Variants in SEC14L2 observed in about 807,000 individuals in gnomAD.
The protein encoded by SEC14L2 is SEC14-like protein 2.
In SEC14L2, 50 loss-of-function variants were observed where a neutral mutation model predicts 56.9. The observed-to-expected ratio is 0.88, with a 90% CI of 0.70 to 1.11. The LOEUF is 1.11. SEC14L2 is among the 50% of genes most tolerant of loss of function. The pLI is 0.00. For missense variants in SEC14L2, 414 were observed against 500.7 expected (o/e 0.83, Z 1.65); for synonymous variants, 179 against 188.5 (o/e 0.95, Z 0.41).
At chr22:30,410,364 G>A (rs767120904) in intron 7 of SEC14L2, among the ~76,000 whole-genome samples, 4 of 152,252 alleles carry the variant, frequency 2.6e-5, no homozygotes, top group Non-Finnish European at 5.9e-5. Flanking sequence ...CACCCAGCCT[G>A]ATGAGATGGG....
chr22:30,412,290 G>T (rs1934270257), intron 8 of SEC14L2, among the ~76,000 whole-genome samples: 1 of 152,054 alleles, frequency 6.6e-6, no homozygotes, highest in Non-Finnish European at 1.5e-5. Context: ...GTGCATAGTG[G>T]CACATACCAG....
In SEC14L2 at chr22:30,422,330, T is replaced by G; in HGVS notation, c.1135T>G (p.Phe379Val). 1 of 1,614,184 alleles carries G rather than the reference T, an allele frequency of 6.2e-7. No individual in the cohort carries two copies. Among genetic ancestry groups the G allele is most frequent in the Non-Finnish European group, 8.5e-7 (1 of 1,180,030 alleles). ...CTTCATTCATGCCAAGAAGGTCAAT[T>G]TCACTGTGGAGGTCCTGCTTCCAGA... is the stretch of plus-strand genomic sequence containing the variant. ...YSFIHAKKVN[F>V]TVEVLLPDKA... The change falls in exon 12 of 12, where the codon TTC (phenylalanine) becomes GTC (valine). Residue 379 changes from phenylalanine to valine, a missense_variant. Coordinates refer to ENST00000615189, the MANE Select transcript of SEC14L2 (RefSeq NM_012429.5).
chr22:30,419,461 T>A (rs1934461777), intron 11 of SEC14L2, among the ~76,000 whole-genome samples: 1 of 152,162 alleles, frequency 6.6e-6, no homozygotes, highest in African/African-American at 2.4e-5. Flanking sequence ...GAGAATTGCT[T>A]GAACCCAGGA....
In SEC14L2 at chr22:30,416,096, C is replaced by T. The variant is rs1393897650; in HGVS notation, c.911+9C>T. 1.5e-5 allele frequency: 24 copies of T among 1,614,034 alleles called. No individual in the cohort carries two copies. Among genetic ancestry groups the T allele is most frequent in the Non-Finnish European group, 1.9e-5 (23 of 1,179,974 alleles). On this transcript the variant is annotated intron_variant, in intron 10 of 11. Coordinates refer to ENST00000615189, the MANE Select transcript of SEC14L2 (RefSeq NM_012429.5). ...CCTGGCTGTGTCCTCAGGTAGGGGCCTGGGCCCTTCCAGGAGACCCGAGCT... is the reference window on the plus strand; with the variant it reads ...CCTGGCTGTGTCCTCAGGTAGGGGCTTGGGCCCTTCCAGGAGACCCGAGCT...
chr22:30,402,397 C>T (rs1175241488), intron 2 of SEC14L2, among the ~76,000 whole-genome samples: 1 of 152,162 alleles, frequency 6.6e-6, no homozygotes, highest in East Asian at 1.9e-4. Context: ...CAGCTGGTCT[C>T]CTGATTCCTG....
At chr22:30,405,644 T>C (rs142791814) in intron 2 of SEC14L2, among the ~76,000 whole-genome samples, 2,314 of 152,274 alleles carry the variant, frequency 0.015, 43 homozygotes, top group Middle Eastern at 0.037. Context: ...CTGCCAGCTC[T>C]GCCACAGATT....
At chr22:30,416,889 A>C in intron 11 of SEC14L2, 1 of 1,004,782 alleles carries the variant, frequency 1.0e-6, no homozygotes, top group South Asian at 4.3e-5. Flanking sequence ...TTTACACAAG[A>C]ATATAAGAAT....
chr22:30,417,999 A>G (rs1331432504), intron 11 of SEC14L2, among the ~76,000 whole-genome samples: 1 of 152,150 alleles, frequency 6.6e-6, no homozygotes, highest in African/African-American at 2.4e-5. Context: ...GTGCTTCAGC[A>G]AGAACAAGGC....
Position 30,424,808 on chromosome 22 carries a change from C to G in SEC14L2, c.*2401C>G, listed in dbSNP as rs151034074. ...TTAGTGAAGTGCACACATTGCTCAC[C>G]TGGGTGAACTGAGGTCCAGCGGGGG... On this transcript the variant is annotated 3_prime_UTR_variant, in exon 12 of 12. Transcript: ENST00000615189. The G allele has an allele frequency of 2.2e-6, 1 of 456,566 alleles. No homozygotes were observed. The highest frequency in any genetic ancestry group is 7.0e-5 in the East Asian group (1 of 14,374). The allele number at this position is 456,566 out of a possible 1,614,324, so 28.3% of individuals were successfully genotyped here.
intron 1 of SEC14L2, 148 bp downstream of exon 1, chr22:30,397,318 C>T: frequency 1.4e-6 from 1 of 726,914 alleles, no homozygotes; most frequent in South Asian, 2.0e-5. Flanking sequence ...CTGGCCCGCG[C>T]CCGCGGATGG....
Position 30,407,097 on chromosome 22 carries a change from T to C in SEC14L2, c.177T>C (p.His59=), listed in dbSNP as rs1385156817. Residue 59 remains histidine, a splice_region_variant and synonymous_variant, in exon 4 of 12, where the codon CAT becomes CAC. Coordinates refer to ENST00000615189, the MANE Select transcript of SEC14L2 (RefSeq NM_012429.5). ...ATTTCCCCATTGTATCTTTGTAGCA[T>C]GTGGAGTTCCGAAAGCAAAAGGACA... is the stretch of plus-strand genomic sequence containing the variant. The part of the protein sequence containing the change: ...LQKSEAMLRK[H]VEFRKQKDID... The C allele has an allele frequency of 1.2e-6, 2 of 1,613,766 alleles. No individual in the cohort carries two copies. Among genetic ancestry groups the C allele is most frequent in the Non-Finnish European group, 8.5e-7 (1 of 1,179,868 alleles).
intron 1 of SEC14L2, 21 bp downstream of exon 1, chr22:30,397,191 G>C: frequency 6.6e-7 from 1 of 1,511,436 alleles, no homozygotes. Context: ...GCCCTGGCCC[G>C]GGCTCCCGCC....
At chr22:30,409,716 A>G (rs985943710) in intron 7 of SEC14L2, among the ~76,000 whole-genome samples, 1 of 152,038 alleles carries the variant, frequency 6.6e-6, no homozygotes, top group Non-Finnish European at 1.5e-5. Context: ...TGGGTAACAC[A>G]GCAAGACCTC....
chr22:30,421,206 T>C (rs1934509419), intron 11 of SEC14L2: 1 of 151,956 alleles, frequency 6.6e-6, no homozygotes, highest in Middle Eastern at 3.4e-3. Context: ...TTCACAGGAA[T>C]TGTCTGTCAT....
intron 3 of SEC14L2, among the ~76,000 whole-genome samples, chr22:30,406,894 G>C (rs996468820): frequency 1.3e-5 from 2 of 152,196 alleles, no homozygotes; most frequent in Non-Finnish European, 2.9e-5. Flanking sequence ...TGGGATTACA[G>C]GTATGCACCA....
chr22:30,399,439 C>T (rs544816883), intron 1 of SEC14L2, among the ~76,000 whole-genome samples: 17 of 146,710 alleles, frequency 1.2e-4, no homozygotes, highest in Middle Eastern at 3.8e-3. Context: ...GGTGTGAACC[C>T]GGGAGGCAGA....
At chr22:30,397,549 C>T (rs1432950224) in intron 1 of SEC14L2, 1 of 284,818 alleles carries the variant, frequency 3.5e-6, no homozygotes, top group East Asian at 9.7e-5. Flanking sequence ...TTCCGGGAGG[C>T]TTTCTTCTTG....
intron 2 of SEC14L2, among the ~76,000 whole-genome samples, chr22:30,401,822 G>T (rs1933946066): frequency 6.6e-6 from 1 of 151,472 alleles, no homozygotes; most frequent in Admixed American, 6.6e-5. Flanking sequence ...AAACTCCTGG[G>T]ATCAAGTGAT....
intron 1 of SEC14L2, among the ~76,000 whole-genome samples, chr22:30,398,225 G>A (rs1382708845): frequency 6.6e-6 from 1 of 152,234 alleles, no homozygotes; most frequent in Non-Finnish European, 1.5e-5. Context: ...AGGTCAGGCA[G>A]AGAAGGGATT....
Sources: allele counts gnomAD v4.1 joint callset (sites outside exome capture counted in the v4.1 genomes callset), GRCh38; gene constraint gnomAD v4.1.1; transcripts MANE v1.5; gene names NCBI Gene and HGNC (gene_info 2026-07-23, HGNC 2026-07-21).